PCDHA10: variants seen among roughly 807,000 people sequenced by gnomAD.
PCDHA10 encodes protocadherin alpha-10.
In PCDHA10, 45 loss-of-function variants were observed where a neutral mutation model predicts 61.2. The observed-to-expected ratio is 0.74, with a 90% CI of 0.58 to 0.94. PCDHA10 has a LOEUF of 0.94. Among genes scored for constraint, PCDHA10 ranks in the 40% least tolerant of loss-of-function variants. PCDHA10 has a pLI of 0.00. For synonymous variants in PCDHA10, 602 were observed against 548.8 expected (o/e 1.10, Z -1.35); for missense variants, 1,278 against 1,236.2 (o/e 1.03, Z -0.51).
intron 1 of PCDHA10, among the ~76,000 whole-genome samples, chr5:140,971,248 A>G (rs552592175): frequency 6.6e-6 from 1 of 152,330 alleles, no homozygotes; most frequent in East Asian, 1.9e-4. Context: ...AATTTGATAC[A>G]TAAACTATTT....
chr5:140,887,654 G>A (rs2061529435), intron 1 of PCDHA10, among the ~76,000 whole-genome samples: 1 of 151,712 alleles, frequency 6.6e-6, no homozygotes, highest in South Asian at 2.1e-4. Context: ...TGATATTCTT[G>A]GATCTGTGGA....
chr5:140,889,760 A>T (rs1228592233), intron 1 of PCDHA10, among the ~76,000 whole-genome samples: 1 of 152,158 alleles, frequency 6.6e-6, no homozygotes, highest in Admixed American at 6.5e-5. Flanking sequence ...CTTTCCTTGA[A>T]CTTTGACTGG....
intron 1 of PCDHA10, chr5:140,877,748 G>C: frequency 6.2e-7 from 1 of 1,614,188 alleles, no homozygotes; most frequent in Non-Finnish European, 8.5e-7. Flanking sequence ...CAGAGGGTGT[G>C]CTCTGCAGAG....
intron 1 of PCDHA10, chr5:140,927,197 A>G: frequency 6.2e-7 from 1 of 1,614,150 alleles, no homozygotes; most frequent in African/African-American, 1.3e-5. Flanking sequence ...CTGGTGCTCG[A>G]GGACCCGCTG....
intron 1 of PCDHA10, chr5:140,869,142 A>G: frequency 6.2e-7 from 1 of 1,613,402 alleles, no homozygotes; most frequent in Non-Finnish European, 8.5e-7. Context: ...GCACCCCACG[A>G]CTACAGCTCT....
intron 1 of PCDHA10, among the ~76,000 whole-genome samples, chr5:140,937,332 C>T (rs1003482242): frequency 6.3e-4 from 96 of 152,212 alleles, no homozygotes; most frequent in African/African-American, 2.0e-3. Context: ...CCACCGCGCC[C>T]GGCTTCTTCC....
At chr5:140,925,142 C>G (rs2082353538) in intron 1 of PCDHA10, among the ~76,000 whole-genome samples, 1 of 151,570 alleles carries the variant, frequency 6.6e-6, no homozygotes, top group African/African-American at 2.4e-5. Context: ...TTCAAACATA[C>G]ACAAAAGTTG....
rs1554262437 is a variant in PCDHA10, at chr5:141,009,799, C to T, written c.2709C>T (p.Asn903=). 1 of 1,614,104 alleles carries T rather than the reference C, an allele frequency of 6.2e-7. No individual in the cohort carries two copies. Residue 903 remains asparagine (N), a synonymous_variant, in exon 4 of 4, where the codon AAC becomes AAT. Coordinates refer to ENST00000307360, the MANE Select transcript of PCDHA10 (RefSeq NM_018901.4). ...AIISIRQEPT[N]SQIDKSDFIT... is the part of the protein sequence containing the mutation. ...TCTCCATCCGGCAGGAGCCTACTAACAGCCAAATTGACAAAAGTGACTTCA... is the reference window on the plus strand; with the variant it reads ...TCTCCATCCGGCAGGAGCCTACTAATAGCCAAATTGACAAAAGTGACTTCA...
At chr5:140,926,131 A>G (rs2082931602) in intron 1 of PCDHA10, among the ~76,000 whole-genome samples, 1 of 152,076 alleles carries the variant, frequency 6.6e-6, no homozygotes, top group Non-Finnish European at 1.5e-5. Context: ...TTCAACCCGC[A>G]GCAGGATCCA....
chr5:140,972,080 AAG>A (rs1446545098), intron 1 of PCDHA10, among the ~76,000 whole-genome samples: 8 of 152,208 alleles, frequency 5.3e-5, no homozygotes, highest in African/African-American at 1.9e-4. Flanking sequence ...CTTTTGGAAA[AAG>A]AGTAATTTCT....
intron 1 of PCDHA10, chr5:140,882,139 A>G (rs1185324508): frequency 6.0e-6 from 9 of 1,489,890 alleles, no homozygotes; most frequent in South Asian, 4.2e-5. Context: ...TGCAGAAAAT[A>G]TAGCAGAAAG....
chr5:140,855,963 AT>A lies in PCDHA10; in HGVS notation c.-85del. ...TCTCAGCCATTTCGATAAAAAATAG[AT>A]ATAAGAAATAGGACAGAAAATGTCA... On this transcript the variant is annotated 5_prime_UTR_variant, in exon 1 of 4. Coordinates refer to ENST00000307360, the MANE Select transcript of PCDHA10 (RefSeq NM_018901.4). 1 of 1,404,396 alleles carries A rather than the reference AT, an allele frequency of 7.1e-7. No homozygotes were observed. Among genetic ancestry groups the A allele is most frequent in the Non-Finnish European group, 9.7e-7 (1 of 1,032,724 alleles). 87.0% of individuals were successfully genotyped at this position (1,404,396 alleles called of 1,614,324 possible). A position where few individuals can be genotyped will look rare whatever the true frequency, so the allele number is the denominator to read the frequency against.
chr5:140,940,437 C>T (rs1212783028), intron 1 of PCDHA10, among the ~76,000 whole-genome samples: 1 of 151,730 alleles, frequency 6.6e-6, no homozygotes, highest in Non-Finnish European at 1.5e-5. Context: ...TCAAGTCTGC[C>T]ATGATATTTT....
At chr5:140,942,545 G>C (rs981508818) in intron 1 of PCDHA10, among the ~76,000 whole-genome samples, 4 of 151,970 alleles carry the variant, frequency 2.6e-5, no homozygotes, top group African/African-American at 9.7e-5. Context: ...ATGGTGGGGG[G>C]TAGGGGGTTG....
chr5:140,856,428 A>T lies in PCDHA10; in HGVS notation c.380A>T (p.Asp127Val). 6.3e-7 allele frequency: 1 copy of T among 1,598,400 alleles called. No individual in the cohort carries two copies. The highest frequency in any genetic ancestry group is 1.1e-5 in the South Asian group (1 of 90,526). Residue 127 changes from aspartate to valine, a missense_variant, in exon 1 of 4, where the codon GAC becomes GTC. Physicochemically the swap from Asp to Val is radical, Grantham distance 152 (BLOSUM62 -3). Transcript: ENST00000307360. ...HVDVEVKDIN[D>V]NPPRFSVTEQ... is the part of the protein sequence containing the mutation. ...GACGTGGAAGTGAAGGACATTAACG[A>T]CAACCCGCCCAGGTTCTCCGTAACA...
chr5:140,873,995 GT>G (rs1354813199), intron 1 of PCDHA10, among the ~76,000 whole-genome samples: 2 of 152,166 alleles, frequency 1.3e-5, no homozygotes, highest in African/African-American at 4.8e-5. Context: ...AGCATGTATG[GT>G]ACATTGACCA....
chr5:140,887,251 C>G (rs2153419046), intron 1 of PCDHA10, among the ~76,000 whole-genome samples: 1 of 152,162 alleles, frequency 6.6e-6, no homozygotes. Context: ...CGCCCGCCAC[C>G]ACGCCCTGCT....
At chr5:141,005,032 T>A (rs1031521338) in intron 3 of PCDHA10, among the ~76,000 whole-genome samples, 2 of 152,228 alleles carry the variant, frequency 1.3e-5, no homozygotes, top group Non-Finnish European at 2.9e-5. Context: ...TAATTGCCCA[T>A]ATGTGATACC....
intron 3 of PCDHA10, among the ~76,000 whole-genome samples, chr5:140,998,369 C>T (rs530777656): frequency 1.3e-5 from 2 of 152,210 alleles, no homozygotes; most frequent in South Asian, 2.1e-4. Context: ...CTGCACACAC[C>T]GTCTCTAGAA....
Sources: allele counts gnomAD v4.1 joint callset (sites outside exome capture counted in the v4.1 genomes callset), GRCh38; gene constraint gnomAD v4.1.1; transcripts MANE v1.5; gene names NCBI Gene and HGNC (gene_info 2026-07-23, HGNC 2026-07-21).